IL1RAPL2: variants seen among roughly 807,000 people sequenced by gnomAD.
IL1RAPL2 encodes interleukin 1 receptor accessory protein like 2, also known as X-linked interleukin-1 receptor accessory protein-like 2.
IL1RAPL2 carries 3 observed loss-of-function variants against 44.1 expected under a neutral mutation model. The ratio of observed to expected loss-of-function variants is 0.07; its 90% CI spans 0.03 to 0.18. IL1RAPL2 has a LOEUF of 0.18. Among genes scored for constraint, IL1RAPL2 ranks in the 10% least tolerant of loss-of-function variants. The pLI, the probability that IL1RAPL2 is intolerant of heterozygous loss-of-function variation, is 1.00. For missense variants in IL1RAPL2, 391 were observed against 496.4 expected (o/e 0.79, Z 2.02); for synonymous variants, 181 against 178.8 (o/e 1.01, Z -0.10).
At chrX:104,804,707 AG>A (rs1932909036) in intron 2 of IL1RAPL2, among the ~76,000 whole-genome samples, 14 of 112,324 alleles carry the variant, frequency 1.2e-4, no homozygotes, top group African/African-American at 4.2e-4. Flanking sequence ...TGGTAAATTT[AG>A]GATATGTTCA....
At chrX:105,065,253 C>T (rs932570411) in intron 2 of IL1RAPL2, among the ~76,000 whole-genome samples, 8 of 112,016 alleles carry the variant, frequency 7.1e-5, no homozygotes, top group African/African-American at 2.6e-4. Context: ...GGAAATGGTT[C>T]TGTTTGGTTT....
chrX:105,040,964 T>C (rs1441028735), intron 2 of IL1RAPL2, among the ~76,000 whole-genome samples: 3 of 100,009 alleles, frequency 3.0e-5, no homozygotes, highest in Non-Finnish European at 6.0e-5. Flanking sequence ...CTTTTAATTG[T>C]GATGTTAGGG....
At chrX:105,660,337 T>A (rs907799899) in intron 6 of IL1RAPL2, among the ~76,000 whole-genome samples, 2 of 111,303 alleles carry the variant, frequency 1.8e-5, no homozygotes, top group Non-Finnish European at 3.8e-5. Context: ...GCTGAGGGAT[T>A]TCATCACCAC....
At chrX:104,604,314 C>T (rs1253249831) in intron 1 of IL1RAPL2, among the ~76,000 whole-genome samples, 1 of 111,539 alleles carries the variant, frequency 9.0e-6, no homozygotes, top group African/African-American at 3.3e-5. Flanking sequence ...AAGCACTAAA[C>T]ATGGAAAAGA....
intron 6 of IL1RAPL2, among the ~76,000 whole-genome samples, chrX:105,529,774 A>G (rs987635309): frequency 1.3e-4 from 14 of 111,446 alleles, no homozygotes; most frequent in Admixed American, 2.9e-4. Context: ...TCTACTTTCT[A>G]TCTTTATACT....
intron 2 of IL1RAPL2, among the ~76,000 whole-genome samples, chrX:105,005,007 C>T (rs1214159306): frequency 9.0e-6 from 1 of 110,901 alleles, no homozygotes; most frequent in Non-Finnish European, 1.9e-5. Flanking sequence ...TTAAATCCCC[C>T]ACGTATGTTC....
intron 5 of IL1RAPL2, among the ~76,000 whole-genome samples, chrX:105,332,316 A>C (rs909263430): frequency 9.1e-6 from 1 of 109,917 alleles, no homozygotes; most frequent in African/African-American, 3.3e-5. Context: ...TTGGATTGCT[A>C]TGGTGATTCT....
chrX:104,609,978 C>G (rs1052952484), intron 1 of IL1RAPL2, among the ~76,000 whole-genome samples: 2 of 112,115 alleles, frequency 1.8e-5, no homozygotes, highest in Non-Finnish European at 3.8e-5. Flanking sequence ...TTCTCCCCAT[C>G]TTTGTGGATT....
chrX:104,585,836 A>G (rs772275900), intron 1 of IL1RAPL2, among the ~76,000 whole-genome samples: 15 of 110,741 alleles, frequency 1.4e-4, no homozygotes, highest in Non-Finnish European at 2.5e-4. Context: ...TCTTTATCCA[A>G]TCTTCCATTG....
chrX:105,758,083 G>A (rs1177853792), intron 10 of IL1RAPL2, among the ~76,000 whole-genome samples: 1 of 110,833 alleles, frequency 9.0e-6, no homozygotes, highest in Non-Finnish European at 1.9e-5. Context: ...TCCTGTTGGG[G>A]GGGAAACCTA....
At chrX:105,162,161 C>T (rs2033331461) in intron 2 of IL1RAPL2, among the ~76,000 whole-genome samples, 1 of 111,941 alleles carries the variant, frequency 8.9e-6, no homozygotes, top group Non-Finnish European at 1.9e-5. Context: ...TTGTAACTTA[C>T]TGTATGACAT....
chrX:105,452,175 A>G (rs758262113), intron 5 of IL1RAPL2, among the ~76,000 whole-genome samples: 1 of 111,624 alleles, frequency 9.0e-6, no homozygotes, highest in East Asian at 2.8e-4. Context: ...TTATGTGCAC[A>G]TTAAAATGAA....
intron 3 of IL1RAPL2, among the ~76,000 whole-genome samples, chrX:105,232,851 A>T (rs2034083381): frequency 8.9e-6 from 1 of 112,159 alleles, no homozygotes; most frequent in Non-Finnish European, 1.9e-5. Context: ...AAGTGGCCTT[A>T]TGATAACATT....
At chrX:105,077,725 T>C (rs779275022) in intron 2 of IL1RAPL2, among the ~76,000 whole-genome samples, 1 of 111,999 alleles carries the variant, frequency 8.9e-6, no homozygotes, top group South Asian at 3.7e-4. Flanking sequence ...CCATATTTCT[T>C]GGAGGCGTTG....
intron 2 of IL1RAPL2, among the ~76,000 whole-genome samples, chrX:105,051,865 T>A (rs2031931510): frequency 8.9e-6 from 1 of 111,814 alleles, no homozygotes; most frequent in Non-Finnish European, 1.9e-5. Flanking sequence ...CAGGGCCTGT[T>A]GAGGGTGGAG....
At chrX:104,586,201 G>A (rs1370581837) in intron 1 of IL1RAPL2, among the ~76,000 whole-genome samples, 3 of 111,667 alleles carry the variant, frequency 2.7e-5, no homozygotes, top group Non-Finnish European at 5.6e-5. Context: ...GATCAGTGAT[G>A]TTGAGCTTTT....
At chrX:104,847,933 G>A (rs1196740065) in intron 2 of IL1RAPL2, among the ~76,000 whole-genome samples, 1 of 110,440 alleles carries the variant, frequency 9.1e-6, no homozygotes, top group African/African-American at 3.3e-5. Context: ...GGATTCCTAG[G>A]TATTTTATTC....
chrX:105,736,612 T>C (rs2038451551), intron 7 of IL1RAPL2, among the ~76,000 whole-genome samples: 1 of 110,509 alleles, frequency 9.0e-6, no homozygotes, highest in African/African-American at 3.3e-5. Context: ...AACAAGCATA[T>C]GTAAAAATGC....
intron 1 of IL1RAPL2, among the ~76,000 whole-genome samples, chrX:104,641,073 A>G (rs1384489872): frequency 3.6e-5 from 4 of 112,020 alleles, no homozygotes; most frequent in Admixed American, 9.4e-5. Flanking sequence ...TAATGTCAGT[A>G]GCAGTGATGT....
Sources: allele counts gnomAD v4.1 joint callset (sites outside exome capture counted in the v4.1 genomes callset), GRCh38; gene constraint gnomAD v4.1.1; transcripts MANE v1.5; gene names NCBI Gene and HGNC (gene_info 2026-07-23, HGNC 2026-07-21).